Variants in LPCAT3 observed in about 807,000 individuals in gnomAD.
LPCAT3 encodes the protein lysophosphatidylcholine acyltransferase 3.
In LPCAT3, 21 loss-of-function variants were observed where a neutral mutation model predicts 63.4. The ratio of observed to expected loss-of-function variants is 0.33; its 90% CI spans 0.23 to 0.48. The LOEUF (loss-of-function observed/expected upper bound fraction) is 0.48. Among genes scored for constraint, LPCAT3 ranks in the 20% least tolerant of loss-of-function variants. LPCAT3 has a pLI of 0.99. For synonymous variants in LPCAT3, 242 were observed against 227.5 expected, an observed-to-expected ratio of 1.06 and a Z score of -0.58; for missense variants, 451 against 590.6, an observed-to-expected ratio of 0.76 and a Z score of 2.45.
chr12:6,994,756 A>G (rs1408034048), intron 1 of LPCAT3, among the ~76,000 whole-genome samples: 4 of 152,166 alleles, frequency 2.6e-5, no homozygotes, highest in African/African-American at 7.2e-5. Flanking sequence ...TGCTTGGCCA[A>G]TGTTCACTCT....
rs1946804510 is a variant in LPCAT3, at chr12:7,017,624, T to C, written c.151+650A>G. ...CCACACGTGTAATAAACGCTTGGAA[T>C]AGTATGGATCGATTTTAAGGAGGTT... is the stretch of plus-strand genomic sequence containing the variant. On this transcript the variant is annotated intron_variant, in intron 1 of 12. Coordinates refer to ENST00000261407, the MANE Select transcript of LPCAT3 (RefSeq NM_005768.6). This position sits in a 1 kb window ranked among gnomAD's most constrained non-coding sequence, Gnocchi z 4.1. Among the ~76,000 whole-genome samples, 1 of 152,160 alleles carries C rather than the reference T, an allele frequency of 6.6e-6. No homozygotes were observed. The highest frequency in any genetic ancestry group is 2.4e-5 in the African/African-American group (1 of 41,428).
At chr12:6,982,932 T>C in intron 2 of LPCAT3, 150 bp from the exon 3 acceptor site, 1 of 668,052 alleles carries the variant, frequency 1.5e-6, no homozygotes, top group Non-Finnish European at 2.7e-6. Flanking sequence ...GGATGGAAAT[T>C]ATTTATTAAA....
chr12:7,002,731 C>A (rs1342058950), intron 1 of LPCAT3, among the ~76,000 whole-genome samples: 5 of 152,188 alleles, frequency 3.3e-5, no homozygotes, highest in Non-Finnish European at 7.3e-5. Context: ...ATTTTTCTGG[C>A]CGGGCGCAGT....
At position 6,977,066 on chromosome 12, in the gene LPCAT3, GT is replaced by G. The variant is rs1565595726; in HGVS notation, c.*12+67del. 9.0e-6 allele frequency: 9 copies of G among 995,108 alleles called. No homozygotes were observed. The highest frequency in any genetic ancestry group is 7.1e-5 in the Admixed American group (4 of 56,032). 61.6% of individuals were successfully genotyped at this position (995,108 alleles called of 1,614,324 possible). ...TTCACCCCAGATTTCTAATACTATT[GT>G]TTTTTTCCAGTCTGTTGCTCTATTC... On this transcript the variant is annotated intron_variant, in intron 12 of 12. Coordinates refer to ENST00000261407, the MANE Select transcript of LPCAT3 (RefSeq NM_005768.6). This position sits in a 1 kb window ranked among gnomAD's most constrained non-coding sequence, Gnocchi z 4.5.
intron 1 of LPCAT3, among the ~76,000 whole-genome samples, chr12:6,986,477 T>G (rs1397683950): frequency 6.6e-6 from 1 of 152,168 alleles, no homozygotes; most frequent in South Asian, 2.1e-4. Flanking sequence ...AGTAGTTAAG[T>G]TTTTGGAGAG....
intron 1 of LPCAT3, chr12:6,988,517 CA>C (rs1449058114): frequency 6.6e-6 from 1 of 152,224 alleles, no homozygotes; most frequent in African/African-American, 2.4e-5. Flanking sequence ...TGTGACCCTA[CA>C]AGATGTTTCT....
At chr12:7,004,319 T>G (rs782708514) in intron 1 of LPCAT3, among the ~76,000 whole-genome samples, 4 of 152,310 alleles carry the variant, frequency 2.6e-5, no homozygotes, top group African/African-American at 9.6e-5. Flanking sequence ...GACTAGCAGC[T>G]GACATTTTTG....
intron 7 of LPCAT3, chr12:6,979,053 T>A (rs1488968769): frequency 3.6e-5 from 11 of 303,860 alleles, no homozygotes; most frequent in African/African-American, 2.2e-4. Flanking sequence ...TGAACTGTTT[T>A]CAAGCCTTTC....
chr12:6,988,849 G>A (rs1555155100), intron 1 of LPCAT3, among the ~76,000 whole-genome samples: 1 of 152,132 alleles, frequency 6.6e-6, no homozygotes, highest in Non-Finnish European at 1.5e-5. Flanking sequence ...CTTGTTGGCC[G>A]GGCGCCGTGG....
intron 1 of LPCAT3, among the ~76,000 whole-genome samples, chr12:7,000,318 G>A (rs1049965842): frequency 4.6e-5 from 7 of 151,676 alleles, no homozygotes; most frequent in African/African-American, 9.7e-5. Context: ...TTGGCCGGGC[G>A]CGGTGGCTCA....
intron 1 of LPCAT3, among the ~76,000 whole-genome samples, chr12:7,002,609 C>T (rs1401468036): frequency 6.6e-6 from 1 of 152,202 alleles, no homozygotes; most frequent in Admixed American, 6.5e-5. Context: ...CTAAAGATAA[C>T]CATGAGAATA....
chr12:7,011,663 AAAAAAG>A (rs1313254680), intron 1 of LPCAT3, among the ~76,000 whole-genome samples: 16 of 151,688 alleles, frequency 1.1e-4, no homozygotes, highest in African/African-American at 3.9e-4. Flanking sequence ...AAAAAAAAAA[AAAAAAG>A]AAAGAAAGAA....
chr12:6,988,979 A>C (rs993613469), intron 1 of LPCAT3, among the ~76,000 whole-genome samples: 1 of 152,068 alleles, frequency 6.6e-6, no homozygotes, highest in East Asian at 1.9e-4. Flanking sequence ...ATACAAAATT[A>C]GCTGGGCGTG....
At chr12:7,009,709 T>C (rs1020977032) in intron 1 of LPCAT3, among the ~76,000 whole-genome samples, 2 of 152,244 alleles carry the variant, frequency 1.3e-5, no homozygotes, top group Non-Finnish European at 2.9e-5. Context: ...ACATAGTTTA[T>C]CTTATTTAGT....
intron 1 of LPCAT3, among the ~76,000 whole-genome samples, chr12:7,003,429 G>A (rs1161557298): frequency 2.0e-5 from 3 of 150,852 alleles, no homozygotes; most frequent in African/African-American, 4.9e-5. Context: ...TCACTGAACT[G>A]AATACATTCT....
chr12:6,997,919 G>A (rs1946652391), intron 1 of LPCAT3, among the ~76,000 whole-genome samples: 1 of 152,014 alleles, frequency 6.6e-6, no homozygotes. Flanking sequence ...AGTAGAGTAG[G>A]GTTTCACCAT....
At chr12:6,978,850 GA>G in intron 7 of LPCAT3, 161 bp from the exon 8 acceptor site, 2 of 964,728 alleles carry the variant, frequency 2.1e-6, no homozygotes, top group Non-Finnish European at 3.0e-6. Context: ...ACAATAGGCA[GA>G]GAGGAATAAG....
intron 1 of LPCAT3, among the ~76,000 whole-genome samples, chr12:7,007,712 C>G (rs1946736986): frequency 6.6e-6 from 1 of 152,050 alleles, no homozygotes; most frequent in South Asian, 2.1e-4. Context: ...TCAGACCAGT[C>G]TCAAATTCCT....
chr12:6,982,952 A>G (rs1946485863), intron 2 of LPCAT3, 170 bp from the exon 3 acceptor site: 4 of 666,264 alleles, frequency 6.0e-6, no homozygotes, highest in Non-Finnish European at 1.1e-5. Flanking sequence ...AATAAAAAAG[A>G]TTATTAGGGT....
Sources: gnomAD v4.1 joint callset for allele counts (sites outside exome capture counted in the v4.1 genomes callset) on GRCh38, gnomAD v4.1.1 for gene constraint, Gnocchi (gnomAD v3.1) non-coding constraint, MANE v1.5 for transcripts, NCBI Gene and HGNC (gene_info 2026-07-23, HGNC 2026-07-21) for gene names.